Variants in CNTNAP2 observed in about 807,000 individuals in gnomAD.
The protein encoded by CNTNAP2 is contactin associated protein 2.
CNTNAP2 carries 98 observed loss-of-function variants against 155.2 expected under a neutral mutation model. That is an observed-to-expected ratio of 0.63 (90% confidence interval 0.54 to 0.75). CNTNAP2 has a LOEUF of 0.75. Among genes scored for constraint, CNTNAP2 ranks in the 30% least tolerant of loss-of-function variants. The pLI is 0.00. For synonymous variants in CNTNAP2, 651 were observed against 631.2 expected, an observed-to-expected ratio of 1.03 and a Z score of -0.47; for missense variants, 1,727 against 1,688.1, an observed-to-expected ratio of 1.02 and a Z score of -0.40.
chr7:146,286,191 A>T (rs1800334277), intron 1 of CNTNAP2, among the ~76,000 whole-genome samples: 1 of 150,736 alleles, frequency 6.6e-6, no homozygotes, highest in African/African-American at 2.4e-5. Context: ...AAATGAGCTC[A>T]TTTTAATCCC....
chr7:148,028,023 G>A (rs193034142), intron 15 of CNTNAP2, among the ~76,000 whole-genome samples: 81 of 152,220 alleles, frequency 5.3e-4, no homozygotes, highest in African/African-American at 1.9e-3. Context: ...TAAAAATGTA[G>A]CATTCCTTCA....
At chr7:146,571,947 G>A (rs1017143695) in intron 1 of CNTNAP2, among the ~76,000 whole-genome samples, 5 of 152,076 alleles carry the variant, frequency 3.3e-5, no homozygotes, top group Non-Finnish European at 5.9e-5. Flanking sequence ...TGGCCATCCC[G>A]ACCTCAGATG....
At chr7:148,191,413 T>C (rs1054391805) in intron 18 of CNTNAP2, among the ~76,000 whole-genome samples, 4 of 152,194 alleles carry the variant, frequency 2.6e-5, no homozygotes, top group African/African-American at 7.2e-5. Context: ...TCCAGAACCA[T>C]AGTCATATAT....
intron 1 of CNTNAP2, among the ~76,000 whole-genome samples, chr7:146,275,129 C>T (rs1028162024): frequency 1.8e-4 from 27 of 152,170 alleles, no homozygotes; most frequent in Non-Finnish European, 3.4e-4. Flanking sequence ...ACATCGGATA[C>T]AAGTGTCCAT....
chr7:148,334,008 A>T (rs890520787), intron 21 of CNTNAP2, among the ~76,000 whole-genome samples: 2 of 152,192 alleles, frequency 1.3e-5, no homozygotes, highest in African/African-American at 4.8e-5. Flanking sequence ...GTTTTCAGTT[A>T]TTCTTAGCGT....
chr7:148,415,940 G>C lies in CNTNAP2; in HGVS notation c.*324G>C, dbSNP rs189773126. ...GTGTTTAGAGGTGTTCTAAAGACCCGTGGTAACAGGGCAAGTTTTCTACGT... is the reference window on the plus strand; with the variant it reads ...GTGTTTAGAGGTGTTCTAAAGACCCCTGGTAACAGGGCAAGTTTTCTACGT... On this transcript the variant is annotated 3_prime_UTR_variant, in exon 24 of 24. Coordinates refer to ENST00000361727, the MANE Select transcript of CNTNAP2 (RefSeq NM_014141.6). 5.7e-6 allele frequency: 2 copies of C among 352,632 alleles called. No homozygotes were observed. The highest frequency in any genetic ancestry group is 8.7e-5 in the Admixed American group (2 of 23,028). 21.8% of individuals were successfully genotyped at this position (352,632 alleles called of 1,614,324 possible).
intron 1 of CNTNAP2, among the ~76,000 whole-genome samples, chr7:146,656,171 G>T (rs770732038): frequency 2.6e-5 from 4 of 152,188 alleles, no homozygotes; most frequent in Non-Finnish European, 5.9e-5. Flanking sequence ...ATGTTTCAAC[G>T]TTTATGGTCT....
intron 1 of CNTNAP2, among the ~76,000 whole-genome samples, chr7:146,184,360 T>TA (rs1371744198): frequency 1.3e-5 from 2 of 152,114 alleles, no homozygotes; most frequent in East Asian, 3.9e-4. Context: ...GTCCATGAGA[T>TA]AGTGTGGAAC....
rs184627996 is a variant in CNTNAP2 at position 148,118,604 on chromosome 7, G to A, written c.2554+316G>A. 6.6e-5 allele frequency among the ~76,000 whole-genome samples: 10 copies of A among 152,270 alleles called. No individual in the cohort carries two copies. The East Asian group carries it at 1.7e-3, about 26-fold the overall frequency. ...ATGTCTTGTGTGGCTGTTTTCCAAA[G>A]AGACAGGGTCAAAAATAGGTGAGGG... On this transcript the variant is annotated intron_variant, in intron 16 of 23. Transcript: ENST00000361727.
chr7:147,062,949 G>A (rs1799711421), intron 4 of CNTNAP2, among the ~76,000 whole-genome samples: 1 of 152,152 alleles, frequency 6.6e-6, no homozygotes, highest in African/African-American at 2.4e-5. Context: ...ATACTACTCA[G>A]AAAAGAGATT....
At chr7:146,151,666 A>ATATATATATATATATG (rs1243572995) in intron 1 of CNTNAP2, among the ~76,000 whole-genome samples, 1 of 64,012 alleles carries the variant, frequency 1.6e-5, no homozygotes, top group Non-Finnish European at 2.9e-5. Flanking sequence ...ATATATATAT[A>ATATATATATATATATG]TATATATATA....
intron 9 of CNTNAP2, among the ~76,000 whole-genome samples, chr7:147,313,332 T>G (rs1414010267): frequency 6.6e-6 from 1 of 150,814 alleles, no homozygotes; most frequent in East Asian, 2.0e-4. Flanking sequence ...CATGAAGTCC[T>G]TGCCCATGCC....
chr7:147,887,224 C>G (rs1799617100), intron 13 of CNTNAP2, among the ~76,000 whole-genome samples: 1 of 152,190 alleles, frequency 6.6e-6, no homozygotes, highest in Non-Finnish European at 1.5e-5. Context: ...GTAATCCCAG[C>G]ACTTTGGGAG....
chr7:148,331,253 A>AGTGG (rs1563045439), intron 21 of CNTNAP2, among the ~76,000 whole-genome samples: 2 of 104,548 alleles, frequency 1.9e-5, no homozygotes, highest in African/African-American at 4.6e-5. Flanking sequence ...AGATGGATGG[A>AGTGG]ATGGATGGAT....
At chr7:148,199,426 T>C (rs1418661939) in intron 18 of CNTNAP2, among the ~76,000 whole-genome samples, 1 of 152,182 alleles carries the variant, frequency 6.6e-6, no homozygotes, top group Non-Finnish European at 1.5e-5. Flanking sequence ...TATCCAGAGG[T>C]AATACCCAGA....
chr7:147,946,338 C>A (rs1418090044), intron 14 of CNTNAP2, among the ~76,000 whole-genome samples: 2 of 151,806 alleles, frequency 1.3e-5, no homozygotes, highest in Non-Finnish European at 2.9e-5. Context: ...GGACAGAAAG[C>A]CAAGTGTATA....
At chr7:147,467,621 C>A (rs2116600975) in intron 10 of CNTNAP2, among the ~76,000 whole-genome samples, 1 of 152,328 alleles carries the variant, frequency 6.6e-6, no homozygotes, top group East Asian at 1.9e-4. Context: ...GCTCAGACTT[C>A]ACCATATATG....
At chr7:147,265,050 G>C (rs1415988626) in intron 8 of CNTNAP2, among the ~76,000 whole-genome samples, 1 of 152,036 alleles carries the variant, frequency 6.6e-6, no homozygotes, top group Non-Finnish European at 1.5e-5. Context: ...TGAGACCCAG[G>C]TCACCCTTAG....
At chr7:147,319,007 G>C (rs924839716) in intron 9 of CNTNAP2, among the ~76,000 whole-genome samples, 1 of 152,050 alleles carries the variant, frequency 6.6e-6, no homozygotes, top group African/African-American at 2.4e-5. Flanking sequence ...AAAAATATAA[G>C]TGGATAAAAG....
Sources: gnomAD v4.1 joint callset for allele counts (sites outside exome capture counted in the v4.1 genomes callset) on GRCh38, gnomAD v4.1.1 for gene constraint, MANE v1.5 for transcripts, NCBI Gene and HGNC (gene_info 2026-07-23, HGNC 2026-07-21) for gene names.